STK32B: variants seen among roughly 807,000 people sequenced by gnomAD.
The protein encoded by STK32B is serine/threonine-protein kinase 32B.
STK32B carries 43 observed loss-of-function variants against 52.6 expected under a neutral mutation model. The ratio of observed to expected loss-of-function variants is 0.82; its 90% CI spans 0.64 to 1.05. The LOEUF is 1.05. Ranked by LOEUF, STK32B falls within the 50% of genes least tolerant of loss-of-function variation. STK32B has a pLI of 0.00. For synonymous variants in STK32B, 238 were observed against 204.3 expected (o/e 1.17, Z -1.41); for missense variants, 621 against 534.6 (o/e 1.16, Z -1.59).
chr4:5,216,239 A>G (rs1381547159), intron 3 of STK32B, among the ~76,000 whole-genome samples: 1 of 152,174 alleles, frequency 6.6e-6, no homozygotes, highest in Non-Finnish European at 1.5e-5. Context: ...GGAAATGCTG[A>G]TGCTGCTGGT....
intron 4 of STK32B, among the ~76,000 whole-genome samples, chr4:5,352,740 G>A (rs1344161338): frequency 6.9e-6 from 1 of 145,758 alleles, no homozygotes; most frequent in Non-Finnish European, 1.5e-5. Flanking sequence ...GATAAATCGA[G>A]TAAAGTGGCT....
At chr4:5,203,446 C>T (rs1182830574) in intron 3 of STK32B, among the ~76,000 whole-genome samples, 2 of 152,088 alleles carry the variant, frequency 1.3e-5, no homozygotes, top group Non-Finnish European at 2.9e-5. Context: ...TTTCAAAAAG[C>T]AGCTGACCAC....
chr4:5,271,517 G>A (rs1230896734), intron 3 of STK32B, among the ~76,000 whole-genome samples: 1 of 149,854 alleles, frequency 6.7e-6, no homozygotes, highest in African/African-American at 2.5e-5. Context: ...GAACTTGAAA[G>A]TAGTTTTTTC....
At chr4:5,214,539 C>T (rs1282704198) in intron 3 of STK32B, among the ~76,000 whole-genome samples, 1 of 152,190 alleles carries the variant, frequency 6.6e-6, no homozygotes, top group African/African-American at 2.4e-5. Flanking sequence ...TGCCATCTAT[C>T]ATTTCCTTCT....
chr4:5,159,450 C>CTATATA (rs149683714), intron 2 of STK32B, among the ~76,000 whole-genome samples: 2 of 141,352 alleles, frequency 1.4e-5, no homozygotes, highest in East Asian at 4.1e-4. Flanking sequence ...TGGGGTGTAA[C>CTATATA]TATATATATA....
At chr4:5,219,190 A>G (rs1217896954) in intron 3 of STK32B, among the ~76,000 whole-genome samples, 1 of 152,196 alleles carries the variant, frequency 6.6e-6, no homozygotes, top group Non-Finnish European at 1.5e-5. Context: ...GTCTGATTGA[A>G]GAATGGTTTT....
chr4:5,424,667 C>G (rs1027073170), intron 6 of STK32B, among the ~76,000 whole-genome samples: 5 of 152,208 alleles, frequency 3.3e-5, no homozygotes, highest in African/African-American at 9.7e-5. Flanking sequence ...CAATAAAGCA[C>G]CTCTTTGCGT....
At chr4:5,253,736 A>G (rs77796190) in intron 3 of STK32B, among the ~76,000 whole-genome samples, 7,765 of 152,184 alleles carry the variant, frequency 0.051, 277 homozygotes, top group African/African-American at 0.1. Flanking sequence ...ATGTACATAG[A>G]GTTAACACTA....
In STK32B at chr4:5,490,842, C is replaced by A. The variant is rs150728959; in HGVS notation, c.1107-8103C>A. ...TGCGGTGTTTGGTTTTTTGTTCTTG[C>A]GATAGTTTACTGAGAATGATGATTT... On this transcript the variant is annotated intron_variant, in intron 11 of 11. Transcript: ENST00000282908. 1.3e-5 allele frequency among the ~76,000 whole-genome samples: 2 copies of A among 151,866 alleles called. 1 individual carries two copies. Among genetic ancestry groups the A allele is most frequent in the East Asian group, 3.9e-4 (2 of 5,182 alleles).
At chr4:5,177,679 G>GT (rs774089134) in intron 3 of STK32B, among the ~76,000 whole-genome samples, 2 of 152,174 alleles carry the variant, frequency 1.3e-5, no homozygotes, top group Non-Finnish European at 2.9e-5. Context: ...ATACAATAGG[G>GT]TACAGGTATT....
At chr4:5,085,481 C>T (rs1422245041) in intron 1 of STK32B, among the ~76,000 whole-genome samples, 1 of 152,186 alleles carries the variant, frequency 6.6e-6, no homozygotes, top group Non-Finnish European at 1.5e-5. Flanking sequence ...TTACTTCCCC[C>T]ATGGAACTGG....
chr4:5,475,997 C>T (rs1042670420), intron 11 of STK32B, among the ~76,000 whole-genome samples: 31 of 151,958 alleles, frequency 2.0e-4, no homozygotes, highest in South Asian at 1.3e-3. Flanking sequence ...CAGGTTCAAG[C>T]GATTCTCCTG....
In STK32B at chr4:5,219,014, G is replaced by T. The variant is rs116728356; in HGVS notation, c.260+50564G>T. Among the ~76,000 whole-genome samples the T allele has an allele frequency of 1.6e-3, 246 of 152,330 alleles. 1 individual carries two copies. The highest frequency in any genetic ancestry group is 5.7e-3 in the African/African-American group (236 of 41,580). On this transcript the variant is annotated intron_variant, in intron 3 of 11. Coordinates refer to ENST00000282908, the MANE Select transcript of STK32B (RefSeq NM_018401.3). ...CGGTACTCCAGACCAGCCCCAAATT[G>T]TGGGGCCTGGAGAGCCCCCTGGTTC...
chr4:5,137,646 A>T (rs80337515), intron 1 of STK32B, among the ~76,000 whole-genome samples: 13,626 of 152,246 alleles, frequency 0.089, 918 homozygotes, highest in Admixed American at 0.22. Context: ...AGGCTAAATG[A>T]TGCCGCTAAT....
At chr4:5,268,245 C>G (rs1727177953) in intron 3 of STK32B, among the ~76,000 whole-genome samples, 1 of 152,148 alleles carries the variant, frequency 6.6e-6, no homozygotes, top group Non-Finnish European at 1.5e-5. Context: ...GTGGAAGGTT[C>G]AAGCAATCTA....
chr4:5,498,696 T>TC (rs1720486188), intron 11 of STK32B, among the ~76,000 whole-genome samples: 1 of 152,236 alleles, frequency 6.6e-6, no homozygotes, highest in Non-Finnish European at 1.5e-5. Flanking sequence ...AATTATTATC[T>TC]CCATTCTGTA....
chr4:5,067,193 A>G (rs764678919), intron 1 of STK32B, among the ~76,000 whole-genome samples: 1 of 152,220 alleles, frequency 6.6e-6, no homozygotes, highest in Non-Finnish European at 1.5e-5. Context: ...TCCCTTATAA[A>G]ACCGTCAGAT....
intron 3 of STK32B, among the ~76,000 whole-genome samples, chr4:5,220,215 G>A (rs538733999): frequency 1.3e-5 from 2 of 152,302 alleles, no homozygotes; most frequent in Admixed American, 6.5e-5. Flanking sequence ...GGGTCCTGAA[G>A]CATTCACTCC....
chr4:5,049,409 G>A (rs1350352594), upstream of STK32B, among the ~76,000 whole-genome samples: 1 of 152,168 alleles, frequency 6.6e-6, no homozygotes, highest in East Asian at 1.9e-4. Context: ...GAGCAATAAA[G>A]CTTTTTAATC....
Sources: gnomAD v4.1 joint callset for allele counts (sites outside exome capture counted in the v4.1 genomes callset) on GRCh38, gnomAD v4.1.1 for gene constraint, MANE v1.5 for transcripts, NCBI Gene and HGNC (gene_info 2026-07-23, HGNC 2026-07-21) for gene names.